MAST2: variants seen among roughly 807,000 people sequenced by gnomAD.
MAST2 encodes microtubule-associated serine/threonine-protein kinase 2.
MAST2 carries 70 observed loss-of-function variants against 147.4 expected under a neutral mutation model. The observed-to-expected ratio is 0.47, with a 90% CI of 0.39 to 0.58. The LOEUF (loss-of-function observed/expected upper bound fraction) is 0.58. Ranked by LOEUF, MAST2 falls within the 20% of genes least tolerant of loss-of-function variation. The pLI is 0.00. For synonymous variants in MAST2, 869 were observed against 896.8 expected (o/e 0.97, Z 0.55); for missense variants, 2,080 against 2,302.3 (o/e 0.90, Z 1.98).
chr1:45,909,900 C>T (rs950246289), intron 4 of MAST2, among the ~76,000 whole-genome samples: 3 of 152,036 alleles, frequency 2.0e-5, no homozygotes, highest in Non-Finnish European at 4.4e-5. Flanking sequence ...GCAACCTCCG[C>T]CTCCCGGGTT....
intron 12 of MAST2, 82 bp from the exon 13 acceptor site, chr1:46,022,828 T>G (rs1646244181): frequency 2.0e-6 from 2 of 1,010,512 alleles, no homozygotes; most frequent in Non-Finnish European, 1.6e-6. Context: ...CTACCCTACA[T>G]GCACCTGTTG....
intron 4 of MAST2, among the ~76,000 whole-genome samples, chr1:45,894,983 T>TAC (rs1424281931): frequency 6.6e-6 from 1 of 152,194 alleles, no homozygotes; most frequent in Non-Finnish European, 1.5e-5. Context: ...CAAATATATA[T>TAC]ACCCATGTAA....
At chr1:46,025,633 A>C (rs1646375860) in intron 15 of MAST2, 44 bp from the exon 16 acceptor site, 1 of 1,612,310 alleles carries the variant, frequency 6.2e-7, no homozygotes, top group Admixed American at 1.7e-5. Flanking sequence ...TAGCTAGAGC[A>C]GGGAACTGAA....
intron 3 of MAST2, among the ~76,000 whole-genome samples, chr1:45,877,825 A>C (rs1488069606): frequency 6.6e-6 from 1 of 152,198 alleles, no homozygotes; most frequent in Non-Finnish European, 1.5e-5. Context: ...TTATAAGAAA[A>C]TTAGAGATTA....
At chr1:45,838,100 A>T (rs950572476) in intron 3 of MAST2, among the ~76,000 whole-genome samples, 1 of 151,474 alleles carries the variant, frequency 6.6e-6, no homozygotes, top group African/African-American at 2.4e-5. Context: ...AATTTTAGCC[A>T]TACTAGTGGA....
At chr1:45,987,673 C>A (rs1644682137) in intron 5 of MAST2, among the ~76,000 whole-genome samples, 1 of 143,872 alleles carries the variant, frequency 7.0e-6, no homozygotes, top group Non-Finnish European at 1.5e-5. Context: ...TAATTGATTT[C>A]TACTTTGGTC....
chr1:45,919,390 T>C (rs1270325534), intron 4 of MAST2, among the ~76,000 whole-genome samples: 1 of 151,912 alleles, frequency 6.6e-6, no homozygotes, highest in African/African-American at 2.4e-5. Context: ...AGAAGCCAGT[T>C]GAAAAAAAAA....
At chr1:45,906,875 A>C (rs1467568162) in intron 4 of MAST2, among the ~76,000 whole-genome samples, 3 of 136,260 alleles carry the variant, frequency 2.2e-5, no homozygotes, top group African/African-American at 8.1e-5. Context: ...TGCCCTATAC[A>C]AGTGTACCAT....
chr1:45,990,569 C>G (rs191804619), intron 5 of MAST2, among the ~76,000 whole-genome samples: 1 of 152,156 alleles, frequency 6.6e-6, no homozygotes, highest in Admixed American at 6.5e-5. Context: ...TCACAGCCCA[C>G]TACAGCCCAA....
Position 46,029,840 on chromosome 1 carries a change from A to G in MAST2, c.2330A>G (p.Tyr777Cys), listed in dbSNP as rs946354215. 1.2e-5 allele frequency: 19 copies of G among 1,613,964 alleles called. No individual in the cohort carries two copies. The East Asian group carries it at 1.6e-4, about 13-fold the overall frequency. The change falls in exon 20 of 29, where the codon TAT (tyrosine) becomes TGT (cysteine). Residue 777 changes from tyrosine (Y) to cysteine (C), a missense_variant. By Grantham distance (194) the Tyr-to-Cys change is radical. Coordinates refer to ENST00000361297, the MANE Select transcript of MAST2 (RefSeq NM_015112.3). ...TCCTCCCTGTCCACAGGCAGTGCCT[A>G]TGAGGTGAAGCAGCACCCATTCTTT... ...PLERLGTGSA[Y>C]EVKQHPFFTG... is the part of the protein sequence containing the mutation.
intron 10 of MAST2, 64 bp downstream of exon 10, chr1:46,011,003 G>A (rs754616600): frequency 5.8e-6 from 8 of 1,382,754 alleles, no homozygotes; most frequent in Middle Eastern, 1.8e-4. Context: ...GTAATCCCAA[G>A]CTAAGATTAG....
chr1:45,939,980 G>GTTTTTT (rs1174123217), intron 4 of MAST2, among the ~76,000 whole-genome samples: 5,967 of 96,404 alleles, frequency 0.062, 858 homozygotes, highest in African/African-American at 0.22. Flanking sequence ...TTTATTTAGG[G>GTTTTTT]TTTTTTTTTT....
chr1:45,918,646 C>T (rs1652949108), intron 4 of MAST2, among the ~76,000 whole-genome samples: 1 of 152,102 alleles, frequency 6.6e-6, no homozygotes, highest in African/African-American at 2.4e-5. Context: ...CCATATTGAC[C>T]AGGCTGATCT....
intron 5 of MAST2, among the ~76,000 whole-genome samples, chr1:45,993,568 CA>C (rs1260170438): frequency 6.6e-6 from 1 of 152,036 alleles, no homozygotes; most frequent in Non-Finnish European, 1.5e-5. Context: ...CCTGTAATCC[CA>C]GTTACTTGGG....
chr1:45,986,647 G>A (rs1644631174), intron 5 of MAST2, among the ~76,000 whole-genome samples: 1 of 150,922 alleles, frequency 6.6e-6, no homozygotes, highest in Admixed American at 6.6e-5. Flanking sequence ...AACCTGGGAG[G>A]CGGAGCTTGC....
At chr1:45,946,081 A>C (rs928015101) in intron 4 of MAST2, among the ~76,000 whole-genome samples, 1 of 152,230 alleles carries the variant, frequency 6.6e-6, no homozygotes, top group Non-Finnish European at 1.5e-5. Context: ...CCCATTCATT[A>C]ATTCTCCAAA....
At chr1:45,807,785 A>G (rs1192732549) in intron 1 of MAST2, among the ~76,000 whole-genome samples, 3 of 151,962 alleles carry the variant, frequency 2.0e-5, no homozygotes, top group East Asian at 1.9e-4. Flanking sequence ...CAGGTGATCC[A>G]CCCACCTCGG....
intron 4 of MAST2, among the ~76,000 whole-genome samples, chr1:45,900,009 A>C (rs1203673176): frequency 6.6e-6 from 1 of 151,446 alleles, no homozygotes; most frequent in African/African-American, 2.4e-5. Context: ...GTCTCTACTA[A>C]AAATAAAAAA....
chr1:45,878,599 A>G (rs1443699944), intron 3 of MAST2, among the ~76,000 whole-genome samples: 1 of 152,170 alleles, frequency 6.6e-6, no homozygotes, highest in Non-Finnish European at 1.5e-5. Flanking sequence ...GTTTATATAG[A>G]AAAAATCTAA....
Sources: allele counts gnomAD v4.1 joint callset (sites outside exome capture counted in the v4.1 genomes callset), GRCh38; gene constraint gnomAD v4.1.1; transcripts MANE v1.5; gene names NCBI Gene and HGNC (gene_info 2026-07-23, HGNC 2026-07-21).